Variants in WDFY4 observed in about 807,000 individuals in gnomAD.
The protein encoded by WDFY4 is WDFY family member 4, also known as WD repeat- and FYVE domain-containing protein 4.
WDFY4 carries 169 observed loss-of-function variants against 351.9 expected under a neutral mutation model. The ratio of observed to expected loss-of-function variants is 0.48; its 90% CI spans 0.42 to 0.55. The LOEUF (loss-of-function observed/expected upper bound fraction) is 0.55, where lower values mean the gene tolerates loss of function less well. Ranked by LOEUF, WDFY4 falls within the 20% of genes least tolerant of loss-of-function variation. The pLI is 0.00. For missense variants in WDFY4, 3,803 were observed against 3,935.6 expected, an observed-to-expected ratio of 0.97 and a Z score of 0.90; for synonymous variants, 1,622 against 1,574.6, an observed-to-expected ratio of 1.03 and a Z score of -0.71.
chr10:48,843,497 T>C (rs1006218115), intron 39 of WDFY4, among the ~76,000 whole-genome samples: 5 of 152,218 alleles, frequency 3.3e-5, no homozygotes, highest in Non-Finnish European at 7.3e-5. Flanking sequence ...TATAGTCTGC[T>C]TGTTTATCTC....
At chr10:48,940,959 C>G (rs959231018) in intron 47 of WDFY4, among the ~76,000 whole-genome samples, 1 of 152,236 alleles carries the variant, frequency 6.6e-6, no homozygotes, top group East Asian at 1.9e-4. Context: ...ATTAGTATGG[C>G]CTTTTAAAGG....
intron 9 of WDFY4, among the ~76,000 whole-genome samples, chr10:48,731,869 T>G (rs1336840871): frequency 6.6e-6 from 1 of 152,186 alleles, no homozygotes; most frequent in Non-Finnish European, 1.5e-5. Flanking sequence ...TGACAGCTCC[T>G]CAGGAATGGG....
At position 48,743,507 on chromosome 10, in the gene WDFY4, C is replaced by A; in HGVS notation, c.2418C>A (p.Asp806Glu). The change falls in exon 12 of 62, where the codon GAC becomes GAA. Residue 806 changes from aspartate (D) to glutamate (E), a missense_variant. Around this residue, in one of 3 missense-constraint regions of WDFY4, gnomAD observed 3,054 missense variants for 3,148.6 expected, o/e 0.97. Transcript: ENST00000325239. Reference protein sequence around the residue: ...VDVQKGETGSDPQRNFKQWPD... With the variant: ...VDVQKGETGSEPQRNFKQWPD... ...TTCAGAAGGGAGAAACTGGCAGTGACCCCCAACGCAACTTCAAGCAGTGGC... is the reference window on the plus strand; with the variant it reads ...TTCAGAAGGGAGAAACTGGCAGTGAACCCCAACGCAACTTCAAGCAGTGGC... 1 of 1,540,362 alleles carries A rather than the reference C, an allele frequency of 6.5e-7. No individual in the cohort carries two copies. The highest frequency in any genetic ancestry group is 8.7e-7 in the Non-Finnish European group (1 of 1,146,268).
intron 44 of WDFY4, among the ~76,000 whole-genome samples, chr10:48,894,692 G>T (rs1219338191): frequency 1.3e-5 from 2 of 152,200 alleles, no homozygotes; most frequent in Non-Finnish European, 2.9e-5. Context: ...GGGTCTGCAG[G>T]GGAGAGAGAA....
intron 46 of WDFY4, among the ~76,000 whole-genome samples, 191 bp downstream of exon 46, chr10:48,900,497 A>C (rs1275599484): frequency 6.6e-6 from 1 of 152,232 alleles, no homozygotes; most frequent in Admixed American, 6.5e-5. Context: ...GAACAGGCAG[A>C]GAAGGCCCTT....
At chr10:48,917,580 G>A (rs1376360703) in intron 47 of WDFY4, among the ~76,000 whole-genome samples, 1 of 152,220 alleles carries the variant, frequency 6.6e-6, no homozygotes, top group African/African-American at 2.4e-5. Flanking sequence ...GGCCAGAGGT[G>A]CTGGAAACAT....
chr10:48,976,855 C>A lies in WDFY4; in HGVS notation c.9167C>A (p.Pro3056His). 6 of 1,535,646 alleles carry A rather than the reference C, an allele frequency of 3.9e-6. No homozygotes were observed. Among genetic ancestry groups the A allele is most frequent in the Non-Finnish European group, 5.3e-6 (6 of 1,138,308 alleles). The part of the protein sequence containing the change: ...HLSLWNVNGQ[P>H]LASITTAWGP... ...TCCCTGTGGAATGTCAATGGACAGC[C>A]CCTGGCCAGCATCACCACAGCCTGG... The change falls in exon 59 of 62, where the codon CCC becomes CAC. Residue 3056 changes from proline (P) to histidine (H), a missense_variant. Around this residue, in one of 3 missense-constraint regions of WDFY4, gnomAD observed 3,054 missense variants for 3,148.6 expected, o/e 0.97. Transcript: ENST00000325239.
At chr10:48,714,320 T>C (rs2063841106) in intron 2 of WDFY4, among the ~76,000 whole-genome samples, 1 of 152,230 alleles carries the variant, frequency 6.6e-6, no homozygotes, top group Non-Finnish European at 1.5e-5. Flanking sequence ...GACCTTGCCT[T>C]TTCCTTGGGC....
At chr10:48,785,248 A>G (rs1006959396) in intron 19 of WDFY4, among the ~76,000 whole-genome samples, 3 of 152,074 alleles carry the variant, frequency 2.0e-5, no homozygotes, top group African/African-American at 7.2e-5. Context: ...TATATTCTAG[A>G]CACTAGTCCT....
chr10:48,789,254 G>T (rs570684503), intron 21 of WDFY4, among the ~76,000 whole-genome samples: 8 of 152,124 alleles, frequency 5.3e-5, no homozygotes, highest in Admixed American at 4.6e-4. Context: ...TTGTAGATGG[G>T]GATGCCATTA....
intron 40 of WDFY4, among the ~76,000 whole-genome samples, chr10:48,868,560 C>T (rs553310188): frequency 2.6e-5 from 4 of 152,176 alleles, no homozygotes; most frequent in African/African-American, 7.2e-5. Flanking sequence ...GACCATTGCA[C>T]GTTAATGACT....
chr10:48,790,636 G>C, intron 22 of WDFY4, 91 bp from the exon 23 acceptor site: 1 of 1,412,286 alleles, frequency 7.1e-7, no homozygotes. Flanking sequence ...GGTGGCACTG[G>C]TAGCTCATTG....
Position 48,826,839 on chromosome 10 carries a change from G to A in WDFY4, c.6151G>A (p.Ala2051Thr), listed in dbSNP as rs1274470916. 4 of 1,551,834 alleles carry A rather than the reference G, an allele frequency of 2.6e-6. No homozygotes were observed. Among genetic ancestry groups the A allele is most frequent in the South Asian group, 1.2e-5 (1 of 84,064 alleles). Residue 2051 changes from alanine to threonine, a missense_variant, in exon 36 of 62, where the codon GCC becomes ACC. This residue lies in a region of WDFY4 where 3,054 missense variants were observed against 3,148.6 expected (regional missense o/e 0.97). Coordinates refer to ENST00000325239, the MANE Select transcript of WDFY4 (RefSeq NM_001394531.1). The stretch of plus-strand genomic sequence containing the variant: ...GCAGGAGCACTGGGATGTTGTCTTT[G>A]CCACCTACAATTCCAACATCAGCTT... The part of the protein sequence containing the change: ...FLQEHWDVVF[A>T]TYNSNISFLL...
intron 47 of WDFY4, among the ~76,000 whole-genome samples, chr10:48,903,776 G>A (rs1837480510): frequency 6.6e-6 from 1 of 152,212 alleles, no homozygotes; most frequent in Non-Finnish European, 1.5e-5. Context: ...TGAATCTGGA[G>A]TTCAAGAGAG....
chr10:48,771,890 C>T (rs1034986579), intron 13 of WDFY4, among the ~76,000 whole-genome samples: 24 of 152,290 alleles, frequency 1.6e-4, no homozygotes, highest in African/African-American at 5.8e-4. Context: ...AAAGCTCTTA[C>T]TGGGTGGTGT....
intron 42 of WDFY4, among the ~76,000 whole-genome samples, 166 bp from the exon 43 acceptor site, chr10:48,876,867 G>A (rs906614802): frequency 5.3e-5 from 8 of 152,330 alleles, no homozygotes; most frequent in Admixed American, 2.6e-4. Flanking sequence ...CAGATGTGTG[G>A]TGTCCATTTC....
intron 10 of WDFY4, among the ~76,000 whole-genome samples, chr10:48,734,708 T>C (rs2064591379): frequency 6.6e-6 from 1 of 151,872 alleles, no homozygotes; most frequent in Admixed American, 6.6e-5. Flanking sequence ...AGGTGCTGGC[T>C]AAATGCATAT....
At chr10:48,701,433 T>C (rs913818028) in intron 1 of WDFY4, among the ~76,000 whole-genome samples, 1 of 152,206 alleles carries the variant, frequency 6.6e-6, no homozygotes, top group Non-Finnish European at 1.5e-5. Flanking sequence ...ACTTTTACTT[T>C]TTGTAATTGA....
chr10:48,816,024 A>G (rs886593769), intron 31 of WDFY4, among the ~76,000 whole-genome samples: 1 of 152,160 alleles, frequency 6.6e-6, no homozygotes, highest in African/African-American at 2.4e-5. Context: ...AATTGTTCCT[A>G]TGAAATTGCC....
Sources: allele counts gnomAD v4.1 joint callset (sites outside exome capture counted in the v4.1 genomes callset), GRCh38; gene constraint gnomAD v4.1.1; regional missense constraint gnomAD v4.1.1; transcripts MANE v1.5; gene names NCBI Gene and HGNC (gene_info 2026-07-23, HGNC 2026-07-21).